Variants in LAMC2 observed in about 807,000 individuals in gnomAD.
The protein encoded by LAMC2 is laminin subunit gamma-2.
LAMC2 carries 97 observed loss-of-function variants against 140.2 expected under a neutral mutation model. That is an observed-to-expected ratio of 0.69 (90% CI 0.59 to 0.82). LAMC2 has a LOEUF of 0.82. Among genes scored for constraint, LAMC2 ranks in the 40% least tolerant of loss-of-function variants. LAMC2 has a pLI of 0.00. For missense variants in LAMC2, 1,402 were observed against 1,476.1 expected (o/e 0.95, Z 0.82); for synonymous variants, 513 against 540.2 (o/e 0.95, Z 0.70).
chr1:183,231,162 C>A, intron 12 of LAMC2, 59 bp downstream of exon 12: 5 of 1,595,752 alleles, frequency 3.1e-6, no homozygotes, highest in Non-Finnish European at 4.3e-6. Flanking sequence ...TAAGTGTCCA[C>A]TGGGTGGTTC....
At chr1:183,204,292 A>G (rs953043001) in intron 1 of LAMC2, among the ~76,000 whole-genome samples, 3 of 151,778 alleles carry the variant, frequency 2.0e-5, no homozygotes, top group Admixed American at 6.6e-5. Flanking sequence ...CTCTGTCTCA[A>G]AAATAACACA....
rs1364488803 is a variant in LAMC2 at position 183,228,239 on chromosome 1, G to A, written c.1469-135G>A. 2 of 1,183,344 alleles carry A rather than the reference G, an allele frequency of 1.7e-6. No homozygotes were observed. The highest frequency in any genetic ancestry group is 2.5e-6 in the Non-Finnish European group (2 of 812,622). The allele number at this position is 1,183,344 out of a possible 1,614,324, so 73.3% of individuals were successfully genotyped here. ...CCCTGCCTTGCATGCCTGCTCCTGA[G>A]GGCTTTGTTCTGGGGTCCCTAGGGA... On this transcript the variant is annotated intron_variant, in intron 10 of 22. Transcript: ENST00000264144. The surrounding 1 kb of genome is among the most constrained non-coding windows in gnomAD (Gnocchi z 4.3).
intron 1 of LAMC2, among the ~76,000 whole-genome samples, chr1:183,206,651 CAA>C (rs34536054): frequency 9.5e-5 from 12 of 125,920 alleles, no homozygotes; most frequent in African/African-American, 9.0e-5. Context: ...GACTTGGTCT[CAA>C]AAAAAAAAAA....
chr1:183,222,448 T>C (rs1198533827), intron 6 of LAMC2, among the ~76,000 whole-genome samples: 1 of 152,142 alleles, frequency 6.6e-6, no homozygotes, highest in Non-Finnish European at 1.5e-5. Flanking sequence ...TTGAGCTACC[T>C]CCTTTAATCA....
chr1:183,235,459 G>C lies in LAMC2; in HGVS notation c.2301-116G>C, dbSNP rs143934365. ...ATTCCATGTAATTTGAGTCAGTTCT[G>C]TAGGGTTTTTCTAAATCAGACCAGC... On this transcript the variant is annotated intron_variant, in intron 15 of 22. Transcript: ENST00000264144. The C allele has an allele frequency of 4.2e-4, 481 of 1,132,854 alleles. 5 individuals carry two copies. The Admixed American group carries it at 9.3e-3, about 22-fold the overall frequency. The allele number at this position is 1,132,854 out of a possible 1,614,324, so 70.2% of individuals were successfully genotyped here. A position where few individuals can be genotyped will look rare whatever the true frequency, so the allele number is the denominator to read the frequency against.
downstream of LAMC2, among the ~76,000 whole-genome samples, chr1:183,247,599 A>T (rs939558563): frequency 1.3e-5 from 2 of 152,230 alleles, no homozygotes; most frequent in African/African-American, 4.8e-5. Flanking sequence ...ATTTAAAAAA[A>T]TAAATCTGAT....
At chr1:183,225,533 C>A in intron 7 of LAMC2, 75 bp from the exon 8 acceptor site, 1 of 1,049,272 alleles carries the variant, frequency 9.5e-7, no homozygotes, top group South Asian at 1.3e-5. Flanking sequence ...TTCCCGTATC[C>A]TCAGGCATAA....
the LAMC2 span, among the ~76,000 whole-genome samples, chr1:183,253,405 C>G: frequency 6.6e-6 from 1 of 151,054 alleles, no homozygotes; most frequent in Non-Finnish European, 1.5e-5. Flanking sequence ...TATCCATCAT[C>G]TCACTCAGAT....
intron 22 of LAMC2, among the ~76,000 whole-genome samples, chr1:183,241,518 A>G (rs1356189764): frequency 6.6e-6 from 1 of 152,230 alleles, no homozygotes; most frequent in Non-Finnish European, 1.5e-5. Context: ...TAGAGCTGAT[A>G]TCAAACCCTC....
At chr1:183,238,276 C>T (rs766136612) in intron 18 of LAMC2, 31 bp from the exon 19 acceptor site, 2 of 1,522,490 alleles carry the variant, frequency 1.3e-6, no homozygotes, top group Non-Finnish European at 1.8e-6. Flanking sequence ...AATGTACTTC[C>T]TCTAATCTTG....
Position 183,229,635 on chromosome 1 carries a change from CA to C in LAMC2, c.1714+1035del, listed in dbSNP as rs1304647617. Among the ~76,000 whole-genome samples the C allele has an allele frequency of 8.8e-3, 795 of 90,304 alleles. 3 individuals are homozygous for C. Among genetic ancestry groups the C allele is most frequent in the Middle Eastern group, 0.015 (2 of 132 alleles). 59.2% of individuals were successfully genotyped at this position (90,304 alleles called of 152,430 possible). A position where few individuals can be genotyped will look rare whatever the true frequency, so the allele number is the denominator to read the frequency against. On this transcript the variant is annotated intron_variant, in intron 11 of 22. Coordinates refer to ENST00000264144, the MANE Select transcript of LAMC2 (RefSeq NM_005562.3). Reference sequence around the variant, plus strand: ...CGGGCAACAGCGCAAGACTCCATCTCAAAAAAAAAAAAAAAAAAAGTCCAGA... The same window carrying C: ...CGGGCAACAGCGCAAGACTCCATCTCAAAAAAAAAAAAAAAAAAGTCCAGA...
At chr1:183,211,700 A>G (rs537428812) in intron 2 of LAMC2, among the ~76,000 whole-genome samples, 3 of 152,072 alleles carry the variant, frequency 2.0e-5, no homozygotes, top group South Asian at 2.1e-4. Flanking sequence ...TTGTGGAGAC[A>G]GGGTCTATGT....
intron 1 of LAMC2, among the ~76,000 whole-genome samples, chr1:183,203,325 C>A (rs1371367600): frequency 6.6e-6 from 1 of 152,124 alleles, no homozygotes; most frequent in African/African-American, 2.4e-5. Flanking sequence ...CTGGCAGTGC[C>A]CTTTGGCAAC....
rs1453820597 is a variant in LAMC2 at position 183,243,518 on chromosome 1, G to C, written c.*118G>C. 2 of 1,309,332 alleles carry C rather than the reference G, an allele frequency of 1.5e-6. No homozygotes were observed. The highest frequency in any genetic ancestry group is 2.4e-5 in the South Asian group (2 of 83,470). The allele number at this position is 1,309,332 out of a possible 1,614,324, so 81.1% of individuals were successfully genotyped here. On this transcript the variant is annotated 3_prime_UTR_variant, in exon 23 of 23. Transcript: ENST00000264144. ...TGAACATGTTTAATGGGTATGCTCA[G>C]GTCAACTGACCTGACCCCATTCCTG... is the stretch of plus-strand genomic sequence containing the variant.
At chr1:183,251,719 G>A in the LAMC2 span, 19 of 153,082 alleles carry the variant, frequency 1.2e-4, no homozygotes, top group African/African-American at 4.6e-4. Context: ...GGCTCTGTGT[G>A]ATCATAAGCT....
At chr1:183,192,297 C>T (rs750159380) in intron 1 of LAMC2, among the ~76,000 whole-genome samples, 6 of 152,070 alleles carry the variant, frequency 3.9e-5, no homozygotes, top group Non-Finnish European at 4.4e-5. Flanking sequence ...TATGTATCTC[C>T]GCATTAGAAA....
Position 183,232,342 on chromosome 1 carries a change from A to G in LAMC2, c.2013A>G (p.Glu671=). The change falls in exon 13 of 23, where the codon GAA becomes GAG. Residue 671 remains glutamate (E), a splice_region_variant and synonymous_variant. Coordinates refer to ENST00000264144, the MANE Select transcript of LAMC2 (RefSeq NM_005562.3). The stretch of plus-strand genomic sequence containing the variant: ...TTCTGAGAGATGCCCAGATTTCAGA[A>G]GGTGATGAAGGCCAACTTCCCTTCA... The part of the protein sequence containing the change: ...QDILRDAQIS[E]GASRSLGLQL... 2.5e-6 allele frequency: 4 copies of G among 1,613,998 alleles called. No individual in the cohort carries two copies. The highest frequency in any genetic ancestry group is 3.4e-6 in the Non-Finnish European group (4 of 1,180,002).
Position 183,238,316 on chromosome 1 carries a change from C to T in LAMC2, c.2764C>T (p.Gln922Ter), listed in dbSNP as rs1660027790. 1.2e-6 allele frequency: 2 copies of T among 1,613,140 alleles called. No homozygotes were observed. The highest frequency in any genetic ancestry group is 1.7e-6 in the Non-Finnish European group (2 of 1,179,140). ...NGKSGREKSD[Q>*]LLSRANLAKS... ...ATCTGCCTTTTTACAGAAATCAGAT[C>T]AGCTGCTTTCCCGTGCCAATCTTGC... The change falls in exon 19 of 23, where the codon CAG becomes TAG. Residue 922 changes from glutamine (Q) to a stop codon, truncating the protein, a stop_gained. Transcript: ENST00000264144. LOFTEE classifies it high-confidence loss of function.
At chr1:183,253,011 G>A in the LAMC2 span, among the ~76,000 whole-genome samples, 1 of 152,080 alleles carries the variant, frequency 6.6e-6, no homozygotes, top group South Asian at 2.1e-4. Flanking sequence ...TGTAAAATGA[G>A]GGTAATATCT....
Sources: allele counts gnomAD v4.1 joint callset (sites outside exome capture counted in the v4.1 genomes callset), GRCh38; gene constraint gnomAD v4.1.1; non-coding constraint Gnocchi (gnomAD v3.1); transcripts MANE v1.5; gene names NCBI Gene and HGNC (gene_info 2026-07-23, HGNC 2026-07-21).